AFTPH: variants seen among roughly 807,000 people sequenced by gnomAD.
The protein encoded by AFTPH is aftiphilin.
A neutral mutation model predicts 72.5 loss-of-function variants in AFTPH; 7 were observed. The ratio of observed to expected loss-of-function variants is 0.10; its 90% CI spans 0.05 to 0.18. The LOEUF (loss-of-function observed/expected upper bound fraction) is 0.18, where lower values mean the gene tolerates loss of function less well. Ranked by LOEUF, AFTPH falls within the 10% of genes least tolerant of loss-of-function variation. The probability of loss-of-function intolerance (pLI) is 1.00; values close to 1 mark genes in which losing one functional copy is unlikely to be tolerated. For synonymous variants in AFTPH, 337 were observed against 370.1 expected (o/e 0.91, Z 1.03); for missense variants, 979 against 1,060.5 (o/e 0.92, Z 1.07).
intron 1 of AFTPH, among the ~76,000 whole-genome samples, chr2:64,550,889 T>A (rs979966582): frequency 6.6e-6 from 1 of 152,194 alleles, no homozygotes; most frequent in African/African-American, 2.4e-5. Flanking sequence ...ATTTCCAACT[T>A]TTTTTGAGTC....
chr2:64,564,636 A>G (rs1671943130), intron 2 of AFTPH, among the ~76,000 whole-genome samples: 1 of 126,132 alleles, frequency 7.9e-6, no homozygotes, highest in Non-Finnish European at 1.5e-5. Context: ...AATAAAAAAT[A>G]AAATAAATAA....
chr2:64,552,003 C>T (rs1021616698), exon 2 of AFTPH: 2 of 1,613,782 alleles, frequency 1.2e-6, no homozygotes, highest in Non-Finnish European at 1.7e-6. Flanking sequence ...TGAAAAGCCT[C>T]CTTGTCTGGA....
intron 1 of AFTPH, among the ~76,000 whole-genome samples, chr2:64,546,837 A>T (rs1159970076): frequency 2.7e-5 from 4 of 150,918 alleles, no homozygotes; most frequent in Non-Finnish European, 5.9e-5. Flanking sequence ...GATCGAGACC[A>T]TCCTGGCTAA....
At chr2:64,525,478 G>A (rs1248302364) in intron 1 of AFTPH, 3 of 154,336 alleles carry the variant, frequency 1.9e-5, no homozygotes, top group Non-Finnish European at 2.9e-5. Context: ...TGGGCGGGGG[G>A]ATGAAACAAA....
rs545529034 is a variant in AFTPH at position 64,526,691 on chromosome 2, C to G, written c.-33+2079C>G. 1.2e-3 allele frequency among the ~76,000 whole-genome samples: 178 copies of G among 152,246 alleles called. 2 individuals carry two copies. The highest frequency in any genetic ancestry group is 4.1e-3 in the African/African-American group (172 of 41,546). Reference sequence around the variant, plus strand: ...TATCTCATTTTGCTAATCATTTTCTCAGTTTGTGCATATATCAGATATAGT... The same window carrying G: ...TATCTCATTTTGCTAATCATTTTCTGAGTTTGTGCATATATCAGATATAGT... On this transcript the variant is annotated intron_variant, in intron 1 of 8. Coordinates refer to ENST00000238856, the Ensembl canonical transcript of AFTPH.
chr2:64,560,827 C>A (rs1169020927), intron 2 of AFTPH, among the ~76,000 whole-genome samples: 1 of 151,912 alleles, frequency 6.6e-6, no homozygotes, highest in Non-Finnish European at 1.5e-5. Flanking sequence ...GACCCGAGAT[C>A]GTACCACTGC....
exon 8 of AFTPH, chr2:64,585,491 C>T: frequency 6.2e-7 from 1 of 1,613,732 alleles, no homozygotes. Flanking sequence ...CTCAAAGTGA[C>T]TGATGCATTT....
intron 1 of AFTPH, 123 bp downstream of exon 1, chr2:64,524,735 T>C: frequency 2.7e-6 from 1 of 368,828 alleles, no homozygotes; most frequent in Non-Finnish European, 4.8e-6. Context: ...AGCCGGGAGC[T>C]GTGAGGACGG....
In AFTPH at chr2:64,531,952, A is replaced by T. The variant is rs1161082068; in HGVS notation, c.-33+7340A>T. Reference sequence around the variant, plus strand: ...ATAGAAAGGAATACATAGATTTTTTAAAATTACATATTACATTTAAACCTC... The same window carrying T: ...ATAGAAAGGAATACATAGATTTTTTTAAATTACATATTACATTTAAACCTC... On this transcript the variant is annotated intron_variant, in intron 1 of 8. Transcript: ENST00000238856. Among the ~76,000 whole-genome samples, 4 of 152,258 alleles carry T rather than the reference A, an allele frequency of 2.6e-5. No homozygotes were observed. In the East Asian group the frequency reaches 5.8e-4, roughly 22 times the overall value.
At chr2:64,524,481 C>T in exon 1 of AFTPH, 1 of 401,078 alleles carries the variant, frequency 2.5e-6, no homozygotes, top group Non-Finnish European at 4.4e-6. Flanking sequence ...TGCTGCTGCG[C>T]TGACAGGGCT....
At chr2:64,550,793 C>T (rs1348180011) in intron 1 of AFTPH, among the ~76,000 whole-genome samples, 1 of 150,886 alleles carries the variant, frequency 6.6e-6, no homozygotes, top group Non-Finnish European at 1.5e-5. Context: ...TGTCAGTTTC[C>T]TGGTTTGACC....
chr2:64,553,124 T>C, exon 2 of AFTPH: 2 of 1,614,184 alleles, frequency 1.2e-6, no homozygotes, highest in Non-Finnish European at 1.7e-6. Flanking sequence ...ATGACTGCAA[T>C]GGTTTTCAAG....
intron 1 of AFTPH, among the ~76,000 whole-genome samples, chr2:64,539,674 C>T (rs1339819392): frequency 6.6e-6 from 1 of 152,156 alleles, no homozygotes; most frequent in Non-Finnish European, 1.5e-5. Flanking sequence ...TATTTAGTTC[C>T]TGCTGTGAGC....
intron 6 of AFTPH, among the ~76,000 whole-genome samples, chr2:64,576,489 A>G (rs1053190199): frequency 6.6e-5 from 10 of 152,284 alleles, no homozygotes; most frequent in African/African-American, 2.4e-4. Flanking sequence ...GGGTGAAAAC[A>G]GTAATTTTAC....
chr2:64,585,052 GT>G (rs1558633470), intron 7 of AFTPH, among the ~76,000 whole-genome samples: 1 of 152,160 alleles, frequency 6.6e-6, no homozygotes, highest in Non-Finnish European at 1.5e-5. Flanking sequence ...AAAATGGGGT[GT>G]CACATCATGT....
rs746686106 is a variant in AFTPH, at chr2:64,569,596, T to C, written c.2215-27T>C. The C allele has an allele frequency of 3.7e-6, 6 of 1,609,052 alleles. No individual in the cohort carries two copies. In the South Asian group the frequency reaches 5.5e-5, roughly 15 times the overall value. On this transcript the variant is annotated intron_variant, in intron 4 of 8. Transcript: ENST00000238856. ...TATGATAGATTATTCTCTAAATATA[T>C]GTTCTTTCTGTCTAACGTGTGTGTA...
At chr2:64,559,343 T>C (rs1003663202) in intron 2 of AFTPH, among the ~76,000 whole-genome samples, 8 of 152,132 alleles carry the variant, frequency 5.3e-5, no homozygotes, top group African/African-American at 1.2e-4. Flanking sequence ...AGATTGATTA[T>C]TGGAAATTGA....
intron 2 of AFTPH, among the ~76,000 whole-genome samples, 164 bp from the exon 3 acceptor site, chr2:64,567,398 T>C (rs1049177076): frequency 6.6e-5 from 10 of 152,208 alleles, no homozygotes; most frequent in Non-Finnish European, 1.3e-4. Flanking sequence ...TTTAGAGTGA[T>C]TGTTTCATGA....
At chr2:64,566,825 T>G (rs777448161) in intron 2 of AFTPH, among the ~76,000 whole-genome samples, 7 of 151,834 alleles carry the variant, frequency 4.6e-5, no homozygotes, top group Non-Finnish European at 8.8e-5. Context: ...GGAAATACTC[T>G]GGGGAATATG....
Sources: gnomAD v4.1 joint callset for allele counts (sites outside exome capture counted in the v4.1 genomes callset) on GRCh38, gnomAD v4.1.1 for gene constraint, MANE v1.5 for transcripts, NCBI Gene and HGNC (gene_info 2026-07-23, HGNC 2026-07-21) for gene names.